Variants in EPB41 observed in about 807,000 individuals in gnomAD.
EPB41 encodes protein 4.1.
EPB41 carries 65 observed loss-of-function variants against 108.0 expected under a neutral mutation model. That is an observed-to-expected ratio of 0.60 (90% CI 0.49 to 0.74). The LOEUF (loss-of-function observed/expected upper bound fraction) is 0.74, where lower values mean the gene tolerates loss of function less well. Ranked by LOEUF, EPB41 falls within the 30% of genes least tolerant of loss-of-function variation. The probability of loss-of-function intolerance (pLI) is 0.00; values close to 1 mark genes in which losing one functional copy is unlikely to be tolerated. For missense variants in EPB41, 875 were observed against 1,037.0 expected, an observed-to-expected ratio of 0.84 and a Z score of 2.15; for synonymous variants, 336 against 358.9, an observed-to-expected ratio of 0.94 and a Z score of 0.72.
chr1:29,046,578 T>G (rs951497625), intron 11 of EPB41, among the ~76,000 whole-genome samples: 2 of 152,212 alleles, frequency 1.3e-5, no homozygotes, highest in African/African-American at 2.4e-5. Context: ...TGTTGCTGGC[T>G]AGAACGTCCA....
chr1:28,975,940 C>CAAAAAAA (rs775554564), intron 1 of EPB41, among the ~76,000 whole-genome samples: 4 of 67,628 alleles, frequency 5.9e-5, no homozygotes, highest in Middle Eastern at 8.1e-3. Flanking sequence ...GACTCCATCT[C>CAAAAAAA]AAAAAAAAAA....
rs1281742736 is a variant in EPB41 at position 28,887,774 on chromosome 1, C to T, written c.-8+564C>T. ...GCCGGCTGTGCCCGCCAGGGTGGCC[C>T]CCCCGGCCGTCGCGCCAGCCCCACA... On this transcript the variant is annotated intron_variant, in intron 1 of 16. Coordinates refer to the EPB41 transcript ENST00000347529. This position sits in a 1 kb window ranked among gnomAD's most constrained non-coding sequence, Gnocchi z 4.9. 23 of 807,204 alleles carry T rather than the reference C, an allele frequency of 2.8e-5. No homozygotes were observed. Among genetic ancestry groups the T allele is most frequent in the Non-Finnish European group, 3.3e-5 (22 of 667,092 alleles). The allele number at this position is 807,204 out of a possible 1,614,324, so 50.0% of individuals were successfully genotyped here.
chr1:29,096,520 A>C, intron 16 of EPB41: 1 of 985,880 alleles, frequency 1.0e-6, no homozygotes, highest in Non-Finnish European at 1.2e-6. Flanking sequence ...ATGTTACACC[A>C]GGAGAGCCAC....
intron 1 of EPB41, among the ~76,000 whole-genome samples, chr1:28,921,559 T>A (rs1475575653): frequency 6.6e-6 from 1 of 152,128 alleles, no homozygotes; most frequent in African/African-American, 2.4e-5. Context: ...GTAAAGGCTT[T>A]AAAAAATTTT....
intron 1 of EPB41, among the ~76,000 whole-genome samples, chr1:28,976,066 A>G (rs1310671375): frequency 6.6e-6 from 1 of 152,118 alleles, no homozygotes; most frequent in Non-Finnish European, 1.5e-5. Context: ...CTCAACAGAT[A>G]GGGGTTTAGT....
intron 1 of EPB41, among the ~76,000 whole-genome samples, chr1:28,929,680 C>T (rs2093633586): frequency 6.6e-6 from 1 of 151,744 alleles, no homozygotes; most frequent in South Asian, 2.1e-4. Context: ...TAGAGGCATG[C>T]GCCACCACGC....
intron 1 of EPB41, among the ~76,000 whole-genome samples, chr1:28,892,093 CAAAA>C (rs748788169): frequency 4.3e-5 from 3 of 69,810 alleles, no homozygotes; most frequent in East Asian, 4.2e-4. Context: ...GACTGCATCT[CAAAA>C]AAAAAAAAAA....
At chr1:28,913,255 C>T (rs1057391331), upstream of EPB41, among the ~76,000 whole-genome samples, 11 of 151,764 alleles carry the variant, frequency 7.2e-5, no homozygotes, top group South Asian at 2.1e-4. Flanking sequence ...GAGACTAACA[C>T]GGTGAAACCC....
At chr1:28,967,186 G>C (rs2095379155) in intron 1 of EPB41, among the ~76,000 whole-genome samples, 1 of 151,682 alleles carries the variant, frequency 6.6e-6, no homozygotes, top group South Asian at 2.1e-4. Flanking sequence ...ACCCGGCTAA[G>C]TTTTTGTATT....
At position 28,887,255 on chromosome 1, in the gene EPB41, G is replaced by C. The variant is rs1205609376; in HGVS notation, c.-8+45G>C. The C allele has an allele frequency of 7.0e-6, 9 of 1,277,100 alleles. No individual in the cohort carries two copies. The highest frequency in any genetic ancestry group is 1.5e-5 in the African/African-American group (1 of 65,264). 79.1% of individuals were successfully genotyped at this position (1,277,100 alleles called of 1,614,324 possible). On this transcript the variant is annotated intron_variant, in intron 1 of 16. Coordinates refer to the EPB41 transcript ENST00000347529. This position sits in a 1 kb window ranked among gnomAD's most constrained non-coding sequence, Gnocchi z 4.9. ...GGGGCGACCCTCGGTCCCCGGGAGG[G>C]ACGGGGTTAGGGACAGAAGAACCTA...
intron 1 of EPB41, among the ~76,000 whole-genome samples, chr1:28,960,516 G>A (rs3118118): frequency 0.17 from 24,320 of 141,162 alleles, 2,544 homozygotes; most frequent in East Asian, 0.48. Flanking sequence ...TCACTTGAGC[G>A]CAGGAGTTTG....
intron 1 of EPB41, among the ~76,000 whole-genome samples, chr1:28,941,670 C>T (rs947006236): frequency 1.4e-4 from 21 of 152,134 alleles, no homozygotes; most frequent in Admixed American, 3.3e-4. Flanking sequence ...CCGAGGCGGG[C>T]GGATCACCTG....
intron 7 of EPB41, among the ~76,000 whole-genome samples, chr1:29,023,167 G>A (rs747793183): frequency 1.3e-5 from 2 of 151,490 alleles, no homozygotes; most frequent in Non-Finnish European, 2.9e-5. Context: ...GCTAACTTTT[G>A]TATTTTTAGC....
intron 16 of EPB41, among the ~76,000 whole-genome samples, chr1:29,067,001 G>A (rs1648342475): frequency 6.6e-6 from 1 of 150,742 alleles, no homozygotes; most frequent in Admixed American, 6.6e-5. Flanking sequence ...TAAATTTTCA[G>A]AATTTATGGT....
chr1:28,914,232 A>G (rs940245154), upstream of EPB41, among the ~76,000 whole-genome samples: 3 of 152,242 alleles, frequency 2.0e-5, no homozygotes, highest in African/African-American at 7.2e-5. Context: ...CTCACCGTCC[A>G]GGGCTCTAGC....
intron 1 of EPB41, among the ~76,000 whole-genome samples, chr1:28,905,495 C>CA (rs776733764): frequency 0.13 from 18,341 of 136,868 alleles, 1,527 homozygotes; most frequent in African/African-American, 0.26. Context: ...GACTATGTCT[C>CA]AAAAAAAAAA....
intron 1 of EPB41, among the ~76,000 whole-genome samples, chr1:28,889,550 TG>T (rs1332287391): frequency 2.0e-5 from 3 of 152,230 alleles, no homozygotes; most frequent in African/African-American, 7.2e-5. Flanking sequence ...CTCTGCAGAA[TG>T]GACCATGGCC....
chr1:28,950,436 T>C (rs1269202801), intron 1 of EPB41, among the ~76,000 whole-genome samples: 3 of 152,242 alleles, frequency 2.0e-5, no homozygotes, highest in African/African-American at 7.2e-5. Context: ...TATAGTATAA[T>C]TGGGATTTAT....
intron 11 of EPB41, among the ~76,000 whole-genome samples, chr1:29,045,876 T>C (rs1485007932): frequency 1.3e-5 from 2 of 150,348 alleles, no homozygotes; most frequent in African/African-American, 4.9e-5. Flanking sequence ...CATGGAAGGC[T>C]GAGGCAGGAG....
Sources: gnomAD v4.1 joint callset for allele counts (sites outside exome capture counted in the v4.1 genomes callset) on GRCh38, gnomAD v4.1.1 for gene constraint, Gnocchi (gnomAD v3.1) non-coding constraint, MANE v1.5 for transcripts, NCBI Gene and HGNC (gene_info 2026-07-23, HGNC 2026-07-21) for gene names.